Variants in VRK2 observed in about 807,000 individuals in gnomAD.
VRK2 encodes serine/threonine-protein kinase VRK2.
A neutral mutation model predicts 57.6 loss-of-function variants in VRK2; 60 were observed. The ratio of observed to expected loss-of-function variants is 1.04; its 90% CI spans 0.85 to 1.29. VRK2 has a LOEUF of 1.29. Among genes scored for constraint, VRK2 ranks in the 50% most tolerant of loss-of-function variants. VRK2 has a pLI of 0.00. For synonymous variants in VRK2, 231 were observed against 199.2 expected (o/e 1.16, Z -1.35); for missense variants, 705 against 588.1 (o/e 1.20, Z -2.06).
chr2:58,145,103 C>T (rs1198899370), intron 11 of VRK2, among the ~76,000 whole-genome samples: 6 of 152,010 alleles, frequency 3.9e-5, no homozygotes, highest in African/African-American at 1.4e-4. Context: ...CTGCTATAAA[C>T]ATGAAGCTGC....
At chr2:57,938,764 G>A (rs1670999732) in intron 1 of VRK2, among the ~76,000 whole-genome samples, 1 of 152,062 alleles carries the variant, frequency 6.6e-6, no homozygotes, top group Non-Finnish European at 1.5e-5. Context: ...GACAAGATGA[G>A]AGATGTATGC....
At chr2:58,097,595 G>A (rs1673337070) in intron 7 of VRK2, among the ~76,000 whole-genome samples, 2 of 152,078 alleles carry the variant, frequency 1.3e-5, no homozygotes, top group South Asian at 4.1e-4. Context: ...ATATTATGAT[G>A]TTTTAGTCAG....
At chr2:58,019,893 C>T (rs932013794) in intron 1 of VRK2, among the ~76,000 whole-genome samples, 3 of 151,744 alleles carry the variant, frequency 2.0e-5, no homozygotes, top group East Asian at 1.9e-4. Flanking sequence ...TTTTAGAAGG[C>T]GAATACAAAT....
At chr2:57,921,904 C>T (rs1670362511) in intron 1 of VRK2, among the ~76,000 whole-genome samples, 1 of 152,064 alleles carries the variant, frequency 6.6e-6, no homozygotes, top group Non-Finnish European at 1.5e-5. Flanking sequence ...TTTTCCTGTA[C>T]TGAACTGCAT....
At chr2:58,099,499 A>G (rs770173905) in intron 7 of VRK2, among the ~76,000 whole-genome samples, 15 of 151,992 alleles carry the variant, frequency 9.9e-5, no homozygotes, top group East Asian at 1.9e-4. Context: ...CCCTTTAAGA[A>G]ATACTTTATT....
At chr2:58,111,194 G>GT (rs1164066603) in intron 7 of VRK2, among the ~76,000 whole-genome samples, 1 of 152,148 alleles carries the variant, frequency 6.6e-6, no homozygotes, top group Non-Finnish European at 1.5e-5. Context: ...CTTAGTGAGT[G>GT]TTGAGTGGCT....
intron 1 of VRK2, among the ~76,000 whole-genome samples, chr2:57,941,189 C>A (rs1408281247): frequency 6.6e-6 from 1 of 152,140 alleles, no homozygotes; most frequent in Non-Finnish European, 1.5e-5. Flanking sequence ...AGAAATATGT[C>A]CTCTAAACTA....
chr2:58,073,019 T>C (rs1380964549), intron 2 of VRK2, among the ~76,000 whole-genome samples: 1 of 152,140 alleles, frequency 6.6e-6, no homozygotes, highest in Non-Finnish European at 1.5e-5. Context: ...TTAGAAATTA[T>C]GTTTTCATTT....
intron 2 of VRK2, among the ~76,000 whole-genome samples, chr2:58,082,847 C>T (rs1671084748): frequency 6.6e-6 from 1 of 151,684 alleles, no homozygotes; most frequent in African/African-American, 2.4e-5. Context: ...TGGTTAGTAG[C>T]ATTACTGATA....
chr2:57,951,716 G>A (rs1346379735), intron 1 of VRK2, among the ~76,000 whole-genome samples: 1 of 152,114 alleles, frequency 6.6e-6, no homozygotes, highest in East Asian at 1.9e-4. Flanking sequence ...ATGACTTGCT[G>A]AAGGCTCAGA....
intron 12 of VRK2, chr2:58,154,667 G>A: frequency 1.4e-6 from 1 of 708,934 alleles, no homozygotes; most frequent in Non-Finnish European, 2.6e-6. Context: ...ATTTAAAGGG[G>A]TCTTTAAATT....
intron 1 of VRK2, among the ~76,000 whole-genome samples, chr2:57,982,641 C>A (rs1199632553): frequency 6.6e-6 from 1 of 152,102 alleles, no homozygotes; most frequent in Non-Finnish European, 1.5e-5. Context: ...GCTGAGGCTG[C>A]CCTGCAAGCA....
chr2:58,111,332 A>G (rs1675536018), intron 7 of VRK2, among the ~76,000 whole-genome samples: 1 of 152,226 alleles, frequency 6.6e-6, no homozygotes, highest in Non-Finnish European at 1.5e-5. Context: ...GTGAGAGTCA[A>G]TACAGTGTAA....
intron 1 of VRK2, among the ~76,000 whole-genome samples, chr2:57,919,521 A>C (rs1670267690): frequency 6.6e-6 from 1 of 152,116 alleles, no homozygotes; most frequent in African/African-American, 2.4e-5. Context: ...TTTCAGCTCA[A>C]TATGTACATT....
At chr2:58,081,419 A>G (rs1028017860) in intron 2 of VRK2, among the ~76,000 whole-genome samples, 3 of 151,856 alleles carry the variant, frequency 2.0e-5, no homozygotes, top group Admixed American at 2.0e-4. Flanking sequence ...GGTATTTTAA[A>G]TTTTATCATA....
chr2:57,936,964 T>A (rs946064044), intron 1 of VRK2, among the ~76,000 whole-genome samples: 1 of 152,192 alleles, frequency 6.6e-6, no homozygotes, highest in Non-Finnish European at 1.5e-5. Context: ...TGATCACAGT[T>A]TAAAACAATA....
At chr2:58,136,807 A>T (rs921945091) in intron 10 of VRK2, among the ~76,000 whole-genome samples, 1 of 142,626 alleles carries the variant, frequency 7.0e-6, no homozygotes, top group East Asian at 2.0e-4. Context: ...ATATATGTGT[A>T]TATATATCAT....
At chr2:57,975,748 TTCTC>T (rs748416584) in intron 1 of VRK2, among the ~76,000 whole-genome samples, 7 of 151,866 alleles carry the variant, frequency 4.6e-5, no homozygotes, top group African/African-American at 1.7e-4. Flanking sequence ...ATATTTGGTT[TTCTC>T]TCTCTCTTTT....
At chr2:57,943,502 A>G (rs1671162849) in intron 1 of VRK2, among the ~76,000 whole-genome samples, 2 of 152,210 alleles carry the variant, frequency 1.3e-5, no homozygotes, top group Non-Finnish European at 2.9e-5. Context: ...TTACCTAATG[A>G]TAATGGAACT....
Sources: gnomAD v4.1 joint callset for allele counts (sites outside exome capture counted in the v4.1 genomes callset) on GRCh38, gnomAD v4.1.1 for gene constraint, MANE v1.5 for transcripts, NCBI Gene and HGNC (gene_info 2026-07-23, HGNC 2026-07-21) for gene names.